Variants in PLD5 observed in about 807,000 individuals in gnomAD.
PLD5 encodes the protein phospholipase D family member 5.
In PLD5, 36 loss-of-function variants were observed where a neutral mutation model predicts 61.1. That is an observed-to-expected ratio of 0.59 (90% CI 0.45 to 0.78). The LOEUF (loss-of-function observed/expected upper bound fraction) is 0.78, where lower values mean the gene tolerates loss of function less well. Ranked by LOEUF, PLD5 falls within the 30% of genes least tolerant of loss-of-function variation. The probability of loss-of-function intolerance (pLI) is 0.00; values close to 1 mark genes in which losing one functional copy is unlikely to be tolerated. For synonymous variants in PLD5, 243 were observed against 242.8 expected (o/e 1.00, Z -0.01); for missense variants, 515 against 644.4 (o/e 0.80, Z 2.17).
chr1:242,274,771 C>T (rs1187525437), intron 3 of PLD5, among the ~76,000 whole-genome samples: 1 of 152,004 alleles, frequency 6.6e-6, no homozygotes, highest in African/African-American at 2.4e-5. Flanking sequence ...AAAAGAAAAG[C>T]AAGCCTCTAT....
At chr1:242,414,032 C>A (rs1372837016) in intron 1 of PLD5, among the ~76,000 whole-genome samples, 2 of 151,932 alleles carry the variant, frequency 1.3e-5, no homozygotes, top group Non-Finnish European at 2.9e-5. Context: ...CTGAGAGAGG[C>A]AAGGTTGCAA....
intron 3 of PLD5, among the ~76,000 whole-genome samples, chr1:242,267,381 A>C (rs575340046): frequency 3.3e-5 from 5 of 152,326 alleles, no homozygotes; most frequent in Non-Finnish European, 7.3e-5. Context: ...GTGTTGGACA[A>C]CAGAGTGGAA....
intron 1 of PLD5, among the ~76,000 whole-genome samples, chr1:242,512,873 T>A (rs916005476): frequency 1.7e-4 from 26 of 151,598 alleles, no homozygotes; most frequent in Admixed American, 1.2e-3. Context: ...TTTTTTATTT[T>A]TTCTTTTTTT....
intron 5 of PLD5, among the ~76,000 whole-genome samples, chr1:242,151,155 A>C (rs1664898615): frequency 6.6e-6 from 1 of 151,998 alleles, no homozygotes; most frequent in Non-Finnish European, 1.5e-5. Context: ...TAAAACATAC[A>C]ATATATTGTT....
chr1:242,107,561 C>G (rs1661161777), intron 8 of PLD5, 110 bp downstream of exon 8: 3 of 1,043,678 alleles, frequency 2.9e-6, no homozygotes, highest in South Asian at 4.7e-5. Flanking sequence ...TTGAAGATTG[C>G]CGTCCTGGTT....
At chr1:242,107,116 A>G (rs979339091) in intron 8 of PLD5, among the ~76,000 whole-genome samples, 1 of 152,176 alleles carries the variant, frequency 6.6e-6, no homozygotes, top group Non-Finnish European at 1.5e-5. Context: ...GTGCTGCTGC[A>G]TGCTCCAGTG....
chr1:242,371,045 G>C (rs1487739083), intron 1 of PLD5, among the ~76,000 whole-genome samples: 1 of 152,080 alleles, frequency 6.6e-6, no homozygotes, highest in Non-Finnish European at 1.5e-5. Context: ...ATCCAGTTAA[G>C]GGGCAAAAAC....
chr1:242,442,697 C>T (rs773450969), intron 1 of PLD5, among the ~76,000 whole-genome samples: 3 of 152,026 alleles, frequency 2.0e-5, no homozygotes, highest in Admixed American at 6.6e-5. Flanking sequence ...CTTAAAAACC[C>T]GATTAAGTAA....
intron 9 of PLD5, among the ~76,000 whole-genome samples, chr1:242,094,367 C>G (rs542619438): frequency 2.6e-4 from 40 of 152,220 alleles, no homozygotes; most frequent in Non-Finnish European, 4.9e-4. Context: ...CAAATGTACC[C>G]TGGAGATTTC....
At chr1:242,489,890 A>G (rs1668087061) in intron 1 of PLD5, among the ~76,000 whole-genome samples, 1 of 152,232 alleles carries the variant, frequency 6.6e-6, no homozygotes, top group African/African-American at 2.4e-5. Flanking sequence ...CTGGTAATAC[A>G]TAGAAATGAG....
chr1:242,346,939 G>A (rs1214555668), intron 2 of PLD5, among the ~76,000 whole-genome samples: 1 of 152,194 alleles, frequency 6.6e-6, no homozygotes, highest in African/African-American at 2.4e-5. Flanking sequence ...AGCTTGCTAA[G>A]GATAATGGCT....
chr1:242,286,010 G>A (rs957742473), intron 3 of PLD5, among the ~76,000 whole-genome samples: 5 of 152,224 alleles, frequency 3.3e-5, no homozygotes, highest in African/African-American at 1.2e-4. Context: ...TCGGGAGGCT[G>A]AGACAGGAGA....
intron 4 of PLD5, among the ~76,000 whole-genome samples, chr1:242,240,788 A>G (rs993346839): frequency 5.9e-5 from 9 of 152,320 alleles, no homozygotes; most frequent in African/African-American, 2.2e-4. Context: ...AAATAGTCGT[A>G]TGTGACAAAG....
At chr1:242,329,893 A>G (rs545518041) in intron 2 of PLD5, among the ~76,000 whole-genome samples, 1 of 152,336 alleles carries the variant, frequency 6.6e-6, no homozygotes, top group East Asian at 1.9e-4. Context: ...ACAAGTGTTG[A>G]GTATCTTAGC....
intron 5 of PLD5, among the ~76,000 whole-genome samples, chr1:242,172,129 A>C (rs1053052325): frequency 7.9e-5 from 12 of 152,210 alleles, no homozygotes; most frequent in African/African-American, 2.4e-4. Flanking sequence ...CACGTAATTG[A>C]AGGAAAACAC....
chr1:242,410,111 G>A (rs569949367), intron 1 of PLD5, among the ~76,000 whole-genome samples: 2 of 152,230 alleles, frequency 1.3e-5, no homozygotes, highest in South Asian at 4.2e-4. Flanking sequence ...TGCTGTTAGG[G>A]GGTTTTGGGC....
chr1:242,479,073 G>A (rs1388598711), intron 1 of PLD5, among the ~76,000 whole-genome samples: 19 of 152,192 alleles, frequency 1.2e-4, no homozygotes, highest in Admixed American at 1.2e-3. Flanking sequence ...ATGAAATTCT[G>A]TCTTCTGGCT....
intron 4 of PLD5, among the ~76,000 whole-genome samples, chr1:242,241,869 CTATA>C (rs752113161): frequency 0.032 from 2,232 of 69,770 alleles, 31 homozygotes; most frequent in East Asian, 0.1. Flanking sequence ...GCTTTACTTA[CTATA>C]TATATATATA....
intron 1 of PLD5, among the ~76,000 whole-genome samples, chr1:242,499,287 G>A (rs1252598737): frequency 1.3e-5 from 2 of 152,118 alleles, no homozygotes; most frequent in African/African-American, 2.4e-5. Context: ...TTTATATGTG[G>A]CAAGTAGGTT....
Sources: allele counts gnomAD v4.1 joint callset (sites outside exome capture counted in the v4.1 genomes callset), GRCh38; gene constraint gnomAD v4.1.1; transcripts MANE v1.5; gene names NCBI Gene and HGNC (gene_info 2026-07-23, HGNC 2026-07-21).